Variants in RPGRIP1 observed in about 807,000 individuals in gnomAD.
RPGRIP1 encodes the protein RPGR interacting protein 1.
A neutral mutation model predicts 157.9 loss-of-function variants in RPGRIP1; 128 were observed. That is an observed-to-expected ratio of 0.81 (90% CI 0.70 to 0.94). RPGRIP1 has a LOEUF of 0.94. RPGRIP1 is among the 40% of genes least tolerant of loss of function. RPGRIP1 has a pLI of 0.00. For synonymous variants in RPGRIP1, 554 were observed against 571.6 expected, an observed-to-expected ratio of 0.97 and a Z score of 0.44; for missense variants, 1,486 against 1,545.8, an observed-to-expected ratio of 0.96 and a Z score of 0.65.
chr14:21,349,028 T>A (rs1343706963), intron 24 of RPGRIP1, among the ~76,000 whole-genome samples: 1 of 150,458 alleles, frequency 6.6e-6, no homozygotes, highest in African/African-American at 2.4e-5. Context: ...TTAAGTCTTA[T>A]CCATTCTACT....
rs3748360 is a variant in RPGRIP1 at position 21,324,657 on chromosome 14, C to T, written c.1802C>T (p.Ser601Leu). ...KDVAYGTRPL[S>L]LCLETLPAHG... ...GTTGCTTATGGCACCCGACCGTTGTCGTTATGTTTGGAAACACTGCCAGCC... is the reference window on the plus strand; with the variant it reads ...GTTGCTTATGGCACCCGACCGTTGTTGTTATGTTTGGAAACACTGCCAGCC... Residue 601 changes from serine to leucine, a missense_variant, in exon 15 of 25, where the codon TCG (serine) becomes TTG (leucine). Transcript: ENST00000400017. 335 of 1,613,904 alleles carry T rather than the reference C, an allele frequency of 2.1e-4. 2 individuals carry two copies. The East Asian group carries it at 6.3e-3, about 30-fold the overall frequency.
At chr14:21,311,766 G>T in intron 8 of RPGRIP1, 58 bp from the exon 9 acceptor site, 1 of 1,444,624 alleles carries the variant, frequency 6.9e-7, no homozygotes, top group South Asian at 1.3e-5. Context: ...CTGGTGTCTG[G>T]AGACCACTCG....
intron 5 of RPGRIP1, 25 bp downstream of exon 5, chr14:21,302,609 G>A (rs765540813): frequency 4.4e-6 from 6 of 1,362,230 alleles, no homozygotes; most frequent in African/African-American, 4.3e-5. Context: ...TTTATCCCAT[G>A]TTGTTATTCC....
At chr14:21,327,308 A>T (rs886259627) in intron 17 of RPGRIP1, among the ~76,000 whole-genome samples, 1 of 152,284 alleles carries the variant, frequency 6.6e-6, no homozygotes, top group Non-Finnish European at 1.5e-5. Context: ...GCATTTGATA[A>T]TAGTAATAAT....
intron 19 of RPGRIP1, among the ~76,000 whole-genome samples, chr14:21,329,568 C>T (rs1883501876): frequency 1.3e-5 from 2 of 148,388 alleles, no homozygotes; most frequent in African/African-American, 2.5e-5. Context: ...ATGGCATGAC[C>T]TCGGCTCACT....
intron 20 of RPGRIP1, among the ~76,000 whole-genome samples, chr14:21,331,366 C>T (rs1356724939): frequency 6.6e-6 from 1 of 151,676 alleles, no homozygotes; most frequent in Non-Finnish European, 1.5e-5. Context: ...ACTAAAAATA[C>T]AAAAAATTAG....
At chr14:21,349,976 A>G (rs2139377430) in intron 24 of RPGRIP1, among the ~76,000 whole-genome samples, 2 of 152,342 alleles carry the variant, frequency 1.3e-5, no homozygotes, top group East Asian at 3.9e-4. Flanking sequence ...CCACTAGATC[A>G]ATGTTTTTCA....
intron 7 of RPGRIP1, among the ~76,000 whole-genome samples, chr14:21,308,892 C>A (rs34053371): frequency 6.6e-6 from 1 of 151,994 alleles, no homozygotes; most frequent in Non-Finnish European, 1.5e-5. Context: ...GCCCTCCTAC[C>A]CTAGTCTTTT....
chr14:21,286,063 C>A (rs1880286968), intron 1 of RPGRIP1, among the ~76,000 whole-genome samples: 1 of 152,018 alleles, frequency 6.6e-6, no homozygotes, highest in Non-Finnish European at 1.5e-5. Flanking sequence ...AATTTCAGCT[C>A]ACTGCAACCT....
chr14:21,341,923 GC>G (rs1344943159), intron 21 of RPGRIP1, among the ~76,000 whole-genome samples: 1 of 152,036 alleles, frequency 6.6e-6, no homozygotes, highest in African/African-American at 2.4e-5. Context: ...GGTGGCGGGT[GC>G]CTGTAGTCCC....
chr14:21,348,401 T>C lies in RPGRIP1; in HGVS notation c.3748+99T>C. 3.2e-6 allele frequency: 3 copies of C among 948,384 alleles called. No individual in the cohort carries two copies. In the South Asian group the frequency reaches 5.3e-5, roughly 17 times the overall value. The allele number at this position is 948,384 out of a possible 1,614,324, so 58.7% of individuals were successfully genotyped here. Reference sequence around the variant, plus strand: ...TACATAATTATTACTATGAAGTTGATAAGACACAAAGTGGATTGAAATCTT... The same window carrying C: ...TACATAATTATTACTATGAAGTTGACAAGACACAAAGTGGATTGAAATCTT... On this transcript the variant is annotated intron_variant, in intron 24 of 24. Coordinates refer to ENST00000400017, the MANE Select transcript of RPGRIP1 (RefSeq NM_020366.4).
Position 21,321,354 on chromosome 14 carries a change from G to A in RPGRIP1, c.1563G>A (p.Lys521=). Residue 521 remains lysine, a synonymous_variant, in exon 13 of 25, where the codon AAG becomes AAA. Transcript: ENST00000400017. ...CAGAGACCACATTGGAACTAGAAAA[G>A]ACCAGGGACATGCTTATTCTGCAGC... ...SHAETTLELE[K]TRDMLILQRK... The A allele has an allele frequency of 3.7e-6, 6 of 1,613,892 alleles. No homozygotes were observed. The highest frequency in any genetic ancestry group is 5.1e-6 in the Non-Finnish European group (6 of 1,179,852).
chr14:21,292,935 A>G (rs1482424759), intron 2 of RPGRIP1, among the ~76,000 whole-genome samples: 1 of 151,932 alleles, frequency 6.6e-6, no homozygotes, highest in Non-Finnish European at 1.5e-5. Flanking sequence ...TCACGAGGTC[A>G]AGAGATGGAG....
At chr14:21,340,591 G>A (rs1020205711) in intron 21 of RPGRIP1, among the ~76,000 whole-genome samples, 2 of 152,092 alleles carry the variant, frequency 1.3e-5, no homozygotes. Context: ...GGAGTCAGAG[G>A]TTGCAGTGAG....
chr14:21,346,357 C>T lies in RPGRIP1; in HGVS notation c.3617+1160C>T, dbSNP rs531883080. ...TTGAGGCCAGGAGTTTGAGACCAGCCTGGCCGACATGGTGAAACCCCATCT... is the reference window on the plus strand; with the variant it reads ...TTGAGGCCAGGAGTTTGAGACCAGCTTGGCCGACATGGTGAAACCCCATCT... On this transcript the variant is annotated intron_variant, in intron 23 of 24. Transcript: ENST00000400017. Among the ~76,000 whole-genome samples the T allele has an allele frequency of 2.0e-5, 3 of 152,198 alleles. No homozygotes were observed. The East Asian group carries it at 5.8e-4, about 29-fold the overall frequency.
intron 19 of RPGRIP1, among the ~76,000 whole-genome samples, chr14:21,329,403 C>T (rs978292912): frequency 6.6e-6 from 1 of 152,062 alleles, no homozygotes; most frequent in African/African-American, 2.4e-5. Context: ...TTAACAAACC[C>T]CTGGACTGTT....
At chr14:21,328,840 C>A (rs1883395782) in intron 19 of RPGRIP1, among the ~76,000 whole-genome samples, 1 of 151,692 alleles carries the variant, frequency 6.6e-6, no homozygotes, top group Non-Finnish European at 1.5e-5. Context: ...GAACTCCTAT[C>A]TCTGCTAAAA....
intron 21 of RPGRIP1, among the ~76,000 whole-genome samples, chr14:21,338,231 G>A (rs1190998951): frequency 6.6e-6 from 1 of 152,262 alleles, no homozygotes; most frequent in African/African-American, 2.4e-5. Context: ...CTTCTTAACA[G>A]TTACTAATGA....
intron 8 of RPGRIP1, 109 bp downstream of exon 8, chr14:21,310,716 TCAA>T: frequency 1.5e-6 from 1 of 669,586 alleles, no homozygotes; most frequent in Non-Finnish European, 2.7e-6. Flanking sequence ...GCTAACTAAA[TCAA>T]TGTTATTATG....
Sources: allele counts gnomAD v4.1 joint callset (sites outside exome capture counted in the v4.1 genomes callset), GRCh38; gene constraint gnomAD v4.1.1; transcripts MANE v1.5; gene names NCBI Gene and HGNC (gene_info 2026-07-23, HGNC 2026-07-21).